HELZ: variants seen among roughly 807,000 people sequenced by gnomAD.
HELZ encodes helicase with zinc finger.
Under a neutral mutation model 218.2 loss-of-function variants are expected in HELZ, and 23 were observed. That is an observed-to-expected ratio of 0.11 (90% CI 0.08 to 0.15). The LOEUF (loss-of-function observed/expected upper bound fraction) is 0.15, where lower values mean the gene tolerates loss of function less well. Ranked by LOEUF, HELZ falls within the 10% of genes least tolerant of loss-of-function variation. The pLI, the probability that HELZ is intolerant of heterozygous loss-of-function variation, is 1.00. For missense variants in HELZ, 1,813 were observed against 2,353.7 expected, an observed-to-expected ratio of 0.77 and a Z score of 4.75; for synonymous variants, 814 against 829.4, an observed-to-expected ratio of 0.98 and a Z score of 0.32.
chr17:67,142,913 T>C (rs1242298988), intron 21 of HELZ, among the ~76,000 whole-genome samples: 1 of 151,988 alleles, frequency 6.6e-6, no homozygotes, highest in African/African-American at 2.4e-5. Context: ...CCTGCCACCA[T>C]GCCCAGCTAA....
At chr17:67,173,888 T>C (rs2039379632) in intron 13 of HELZ, among the ~76,000 whole-genome samples, 1 of 152,226 alleles carries the variant, frequency 6.6e-6, no homozygotes, top group Non-Finnish European at 1.5e-5. Flanking sequence ...ATGCCAGCTG[T>C]TAGCACTGAG....
At chr17:67,165,448 A>T (rs1435777505) in intron 15 of HELZ, among the ~76,000 whole-genome samples, 2 of 152,196 alleles carry the variant, frequency 1.3e-5, no homozygotes, top group African/African-American at 4.8e-5. Context: ...GTGACCCTGG[A>T]AACCACTTAC....
chr17:67,120,276 G>T lies in HELZ; in HGVS notation c.3838+129C>A, dbSNP rs187955741. The T allele has an allele frequency of 1.2e-4, 89 of 754,244 alleles. No individual in the cohort carries two copies. The African/African-American group carries it at 1.4e-3, about 12-fold the overall frequency. The allele number at this position is 754,244 out of a possible 1,614,324, so 46.7% of individuals were successfully genotyped here. A position where few individuals can be genotyped will look rare whatever the true frequency, so the allele number is the denominator to read the frequency against. On this transcript the variant is annotated intron_variant, in intron 27 of 32. Coordinates refer to ENST00000358691, the MANE Select transcript of HELZ (RefSeq NM_014877.4). ...GCCTCGGCCTCCCAAAGTGCTGGTA[G>T]ATTCTCTCTCAAAGAGGTCTATAAT...
intron 7 of HELZ, among the ~76,000 whole-genome samples, chr17:67,195,942 C>G (rs9901300): frequency 6.0e-5 from 9 of 150,722 alleles, no homozygotes; most frequent in African/African-American, 1.2e-4. Context: ...ACCTCCACCC[C>G]CCGGGTTCAA....
intron 3 of HELZ, among the ~76,000 whole-genome samples, chr17:67,221,463 A>G (rs2143331103): frequency 6.6e-6 from 1 of 152,330 alleles, no homozygotes; most frequent in South Asian, 2.1e-4. Context: ...CATCCAGACC[A>G]ATAATACAAA....
intron 10 of HELZ, 104 bp downstream of exon 10, chr17:67,190,053 G>T: frequency 1.1e-6 from 1 of 888,992 alleles, no homozygotes; most frequent in Non-Finnish European, 1.8e-6. Flanking sequence ...CAAGTTCTTT[G>T]CAAAGAAGAT....
At chr17:67,153,004 G>A (rs2038735043) in intron 17 of HELZ, among the ~76,000 whole-genome samples, 1 of 152,114 alleles carries the variant, frequency 6.6e-6, no homozygotes, top group Non-Finnish European at 1.5e-5. Context: ...TAACAACAAG[G>A]AAACCAATAT....
rs1283928666 is a variant in HELZ at position 67,149,861 on chromosome 17, A to G, written c.2475+6T>C. On this transcript the variant is annotated splice_donor_region_variant and intron_variant, in intron 19 of 32. Transcript: ENST00000358691. ...CTTTCAACACAGCAACTCAGAGGGCACTTACCTGCATGTGATCACCAGCCA... is the reference window on the plus strand; with the variant it reads ...CTTTCAACACAGCAACTCAGAGGGCGCTTACCTGCATGTGATCACCAGCCA... 1 of 1,541,578 alleles carries G rather than the reference A, an allele frequency of 6.5e-7. No homozygotes were observed. The highest frequency in any genetic ancestry group is 1.2e-5 in the South Asian group (1 of 86,460).
chr17:67,200,647 G>A lies in HELZ; in HGVS notation c.429+482C>T, dbSNP rs184962250. The A allele has an allele frequency of 7.3e-4, 112 of 153,224 alleles. 1 individual carries two copies. The highest frequency in any genetic ancestry group is 7.2e-3 in the Admixed American group (110 of 15,378). The allele number at this position is 153,224 out of a possible 1,614,324, so 9.5% of individuals were successfully genotyped here. A position where few individuals can be genotyped will look rare whatever the true frequency, so the allele number is the denominator to read the frequency against. ...AGCTACTCAGGAGGCTGAGGTGGGA[G>A]GATCACCTGAGCCAAGGGAGGTCGA... On this transcript the variant is annotated intron_variant, in intron 7 of 32. Coordinates refer to ENST00000358691, the MANE Select transcript of HELZ (RefSeq NM_014877.4).
intron 5 of HELZ, among the ~76,000 whole-genome samples, chr17:67,207,047 G>A (rs543127098): frequency 1.8e-4 from 27 of 150,842 alleles, no homozygotes; most frequent in Non-Finnish European, 2.9e-4. Flanking sequence ...CAAGTAGCTG[G>A]GATTACAGGC....
intron 31 of HELZ, among the ~76,000 whole-genome samples, chr17:67,102,175 T>G (rs1039043035): frequency 6.6e-6 from 1 of 152,134 alleles, no homozygotes; most frequent in Admixed American, 6.5e-5. Context: ...TGTTACAGAA[T>G]GGGACCAAGA....
At chr17:67,136,616 T>C (rs567815904) in intron 22 of HELZ, among the ~76,000 whole-genome samples, 3 of 152,326 alleles carry the variant, frequency 2.0e-5, no homozygotes, top group East Asian at 1.9e-4. Context: ...TTCAGCCTTA[T>C]AAAGGCATGA....
At chr17:67,244,824 C>G (rs907962690) in intron 1 of HELZ, 207 of 985,342 alleles carry the variant, frequency 2.1e-4, no homozygotes, top group Non-Finnish European at 2.4e-4. Context: ...CCAGAGTGCT[C>G]TGGGCCGGAG....
At chr17:67,241,041 T>C (rs1182111574) in intron 2 of HELZ, among the ~76,000 whole-genome samples, 1 of 152,214 alleles carries the variant, frequency 6.6e-6, no homozygotes, top group Admixed American at 6.5e-5. Context: ...ACCATCATGT[T>C]ATATGCTGCT....
intron 17 of HELZ, among the ~76,000 whole-genome samples, chr17:67,151,495 T>G (rs1041405251): frequency 2.8e-4 from 43 of 152,340 alleles, no homozygotes; most frequent in Admixed American, 2.1e-3. Context: ...AGAGTAATCT[T>G]GCAACAGAAT....
intron 20 of HELZ, 74 bp from the exon 21 acceptor site, chr17:67,145,964 ATC>A: frequency 7.5e-7 from 1 of 1,330,502 alleles, no homozygotes; most frequent in Non-Finnish European, 1.0e-6. Flanking sequence ...GAAAAAAAAA[ATC>A]AGTCGATTCT....
At chr17:67,098,472 C>T (rs572697177) in intron 31 of HELZ, among the ~76,000 whole-genome samples, 63 of 152,102 alleles carry the variant, frequency 4.1e-4, no homozygotes, top group African/African-American at 1.4e-3. Context: ...TGGTGGCTCA[C>T]GCCTGTAATC....
chr17:67,098,412 T>A (rs1181566821), intron 31 of HELZ, among the ~76,000 whole-genome samples: 2 of 152,098 alleles, frequency 1.3e-5, no homozygotes, highest in Non-Finnish European at 2.9e-5. Context: ...TCTTTTTCAA[T>A]AAGAATATAT....
At chr17:67,082,959 T>G (rs1286946947) in intron 32 of HELZ, among the ~76,000 whole-genome samples, 1 of 151,062 alleles carries the variant, frequency 6.6e-6, no homozygotes, top group Non-Finnish European at 1.5e-5. Context: ...TGGGTTCAAG[T>G]GATTCTCCTG....
Sources: allele counts gnomAD v4.1 joint callset (sites outside exome capture counted in the v4.1 genomes callset), GRCh38; gene constraint gnomAD v4.1.1; transcripts MANE v1.5; gene names NCBI Gene and HGNC (gene_info 2026-07-23, HGNC 2026-07-21).